Variants in HSPA12A observed in about 807,000 individuals in gnomAD.
HSPA12A encodes the protein heat shock protein family A (Hsp70) member 12A.
HSPA12A carries 28 observed loss-of-function variants against 69.2 expected under a neutral mutation model. The observed-to-expected ratio is 0.40, with a 90% confidence interval of 0.30 to 0.55. The LOEUF is 0.55. HSPA12A is among the 20% of genes least tolerant of loss of function. HSPA12A has a pLI of 0.38. For missense variants in HSPA12A, 686 were observed against 900.7 expected, an observed-to-expected ratio of 0.76 and a Z score of 3.05; for synonymous variants, 345 against 370.5, an observed-to-expected ratio of 0.93 and a Z score of 0.79.
chr10:116,783,806 G>A (rs937245178), intron 2 of HSPA12A, among the ~76,000 whole-genome samples: 15 of 152,244 alleles, frequency 9.9e-5, no homozygotes, highest in African/African-American at 3.1e-4. Flanking sequence ...AGGTTCAAGC[G>A]ATTCTCCTGC....
chr10:116,750,466 A>G (rs1851749771), intron 2 of HSPA12A: 1 of 547,410 alleles, frequency 1.8e-6, no homozygotes, highest in Middle Eastern at 5.5e-4. Flanking sequence ...AAAACAAGGA[A>G]TTTAATGCAG....
chr10:116,804,009 C>T (rs1384058695), intron 2 of HSPA12A, among the ~76,000 whole-genome samples: 1 of 152,056 alleles, frequency 6.6e-6, no homozygotes, highest in Non-Finnish European at 1.5e-5. Flanking sequence ...GAGAATCTCC[C>T]CTTAGCCCCT....
At chr10:116,798,189 T>TGGGGGGGGGGGGGGGGGGGGGGGGGG (rs1844874529) in intron 2 of HSPA12A, among the ~76,000 whole-genome samples, 1 of 71,240 alleles carries the variant, frequency 1.4e-5, no homozygotes, top group African/African-American at 5.2e-5. Context: ...TGGGGCGGGG[T>TGGGGGGGGGGGGGGGGGGGGGGGGGG]GGGGCAGGGA....
intron 2 of HSPA12A, among the ~76,000 whole-genome samples, chr10:116,804,407 G>C (rs539087527): frequency 6.6e-6 from 1 of 152,172 alleles, no homozygotes; most frequent in African/African-American, 2.4e-5. Flanking sequence ...AGCTTGCAGC[G>C]TCCTATGGGG....
chr10:116,803,031 T>G (rs959943465), intron 2 of HSPA12A, among the ~76,000 whole-genome samples: 1 of 144,880 alleles, frequency 6.9e-6, no homozygotes, highest in Non-Finnish European at 1.5e-5. Context: ...AAATAAAGCA[T>G]GTTTGGAGTA....
intron 2 of HSPA12A, among the ~76,000 whole-genome samples, chr10:116,798,176 C>A (rs1371692600): frequency 4.9e-5 from 1 of 20,230 alleles, no homozygotes; most frequent in South Asian, 2.0e-3. Flanking sequence ...AGGGGCGGGG[C>A]GGTGGGGCGG....
intron 2 of HSPA12A, among the ~76,000 whole-genome samples, chr10:116,816,045 G>A (rs1024175058): frequency 1.3e-5 from 2 of 152,148 alleles, no homozygotes; most frequent in African/African-American, 4.8e-5. Flanking sequence ...ATCCTCTCTG[G>A]TGGGTGCTAC....
rs1045075497 is a variant in HSPA12A at position 116,690,840 on chromosome 10, C to T, written c.663+1511G>A. Among the ~76,000 whole-genome samples, 6 of 151,794 alleles carry T rather than the reference C, an allele frequency of 4.0e-5. No individual in the cohort carries two copies. In the East Asian group the frequency reaches 7.7e-4, roughly 20 times the overall value. On this transcript the variant is annotated intron_variant, in intron 6 of 11. Coordinates refer to ENST00000369209, the MANE Select transcript of HSPA12A (RefSeq NM_025015.3). ...GGCTATAAATAAGAATTGACCTTTT[C>T]GTGGGTCACACATTTGTTGCTGAAG...
chr10:116,781,357 A>AATGATGATGATG (rs1181358773), intron 2 of HSPA12A, among the ~76,000 whole-genome samples: 1 of 151,712 alleles, frequency 6.6e-6, no homozygotes, highest in African/African-American at 2.4e-5. Flanking sequence ...AATCAGTGCC[A>AATGATGATGATG]ATGATGATGA....
At chr10:116,754,032 T>C (rs1439641655) in intron 2 of HSPA12A, among the ~76,000 whole-genome samples, 3 of 152,144 alleles carry the variant, frequency 2.0e-5, no homozygotes, top group African/African-American at 7.2e-5. Flanking sequence ...GGCAACATAG[T>C]AGAGACACGG....
chr10:116,789,253 ACG>A (rs1303298929), intron 2 of HSPA12A, among the ~76,000 whole-genome samples: 12 of 152,152 alleles, frequency 7.9e-5, no homozygotes, highest in African/African-American at 2.9e-4. Flanking sequence ...ACAAAATAAT[ACG>A]TATAGAAGTA....
intron 2 of HSPA12A, among the ~76,000 whole-genome samples, chr10:116,811,944 GC>G (rs1183998781): frequency 8.5e-5 from 13 of 152,204 alleles, no homozygotes; most frequent in African/African-American, 3.1e-4. Flanking sequence ...GCGGCGGTGA[GC>G]AGCAGTCACC....
At chr10:116,770,143 C>A (rs1452375670) in intron 2 of HSPA12A, among the ~76,000 whole-genome samples, 1 of 152,134 alleles carries the variant, frequency 6.6e-6, no homozygotes, top group Admixed American at 6.5e-5. Flanking sequence ...CTTATGTGAG[C>A]CCTTGTGGTG....
At chr10:116,773,978 T>C (rs1428391930) in intron 2 of HSPA12A, among the ~76,000 whole-genome samples, 1 of 151,690 alleles carries the variant, frequency 6.6e-6, no homozygotes, top group Non-Finnish European at 1.5e-5. Context: ...GCATTCACTA[T>C]GACATGGGGT....
chr10:116,811,759 C>T (rs563651713), intron 2 of HSPA12A, among the ~76,000 whole-genome samples: 8 of 152,260 alleles, frequency 5.3e-5, no homozygotes, highest in African/African-American at 1.9e-4. Context: ...CCTCTGCACC[C>T]GGGTTTTCCC....
intron 6 of HSPA12A, among the ~76,000 whole-genome samples, chr10:116,685,501 G>C (rs1849553739): frequency 6.6e-6 from 1 of 151,852 alleles, no homozygotes; most frequent in African/African-American, 2.4e-5. Context: ...GGCATGGTGG[G>C]GGCAGTGCCT....
intron 2 of HSPA12A, among the ~76,000 whole-genome samples, chr10:116,808,973 A>G (rs545693211): frequency 6.6e-6 from 1 of 152,208 alleles, no homozygotes; most frequent in South Asian, 2.1e-4. Context: ...GCAAGTCGGG[A>G]GGGGCCTCCT....
chr10:116,692,619 A>T, intron 5 of HSPA12A, 152 bp from the exon 6 acceptor site: 1 of 658,936 alleles, frequency 1.5e-6, no homozygotes, highest in Admixed American at 2.4e-5. Context: ...GAGAGCAAAG[A>T]TCTGTTTCCT....
At chr10:116,807,797 A>T (rs1426778554) in intron 2 of HSPA12A, among the ~76,000 whole-genome samples, 2 of 152,198 alleles carry the variant, frequency 1.3e-5, no homozygotes, top group African/African-American at 4.8e-5. Flanking sequence ...GCTGTAGACC[A>T]GGCATGGCAG....
Sources: allele counts gnomAD v4.1 joint callset (sites outside exome capture counted in the v4.1 genomes callset), GRCh38; gene constraint gnomAD v4.1.1; transcripts MANE v1.5; gene names NCBI Gene and HGNC (gene_info 2026-07-23, HGNC 2026-07-21).